Variants in SORCS2 observed in about 807,000 individuals in gnomAD.
SORCS2 encodes the protein VPS10 domain-containing receptor SorCS2.
A neutral mutation model predicts 141.6 loss-of-function variants in SORCS2; 100 were observed. The ratio of observed to expected loss-of-function variants is 0.71; its 90% CI spans 0.60 to 0.83. The LOEUF (loss-of-function observed/expected upper bound fraction) is 0.83. Ranked by LOEUF, SORCS2 falls within the 40% of genes least tolerant of loss-of-function variation. The pLI is 0.00. For missense variants in SORCS2, 1,646 were observed against 1,560.2 expected, an observed-to-expected ratio of 1.05 and a Z score of -0.93; for synonymous variants, 789 against 676.9, an observed-to-expected ratio of 1.17 and a Z score of -2.57.
intron 2 of SORCS2, among the ~76,000 whole-genome samples, chr4:7,424,375 C>T (rs1311624896): frequency 6.6e-6 from 1 of 152,234 alleles, no homozygotes; most frequent in African/African-American, 2.4e-5. Flanking sequence ...CTCTCTGGGC[C>T]TGAGCTGTGT....
intron 15 of SORCS2, among the ~76,000 whole-genome samples, chr4:7,713,236 A>G (rs1577106722): frequency 2.0e-5 from 3 of 152,154 alleles, no homozygotes; most frequent in Admixed American, 6.5e-5. Context: ...GCAAGCCCAC[A>G]CTGTAATTGA....
At chr4:7,270,195 C>G (rs1715021309) in intron 1 of SORCS2, among the ~76,000 whole-genome samples, 1 of 152,272 alleles carries the variant, frequency 6.6e-6, no homozygotes, top group Admixed American at 6.5e-5. Flanking sequence ...GATTTTAAAT[C>G]TCATCCAGAG....
At chr4:7,460,511 G>A (rs188010594) in intron 2 of SORCS2, among the ~76,000 whole-genome samples, 2 of 152,206 alleles carry the variant, frequency 1.3e-5, no homozygotes, top group Non-Finnish European at 2.9e-5. Flanking sequence ...CCCACCTTGC[G>A]CCATTGTGTC....
Position 7,407,995 on chromosome 4 carries a change from G to T in SORCS2, c.548+11640G>T. On this transcript the variant is annotated intron_variant, in intron 2 of 26. Coordinates refer to ENST00000507866, the MANE Select transcript of SORCS2 (RefSeq NM_020777.3). ...CTCCCCCATATTTTTACTTTTAGTT[G>T]TTTCAGTTTACGTATTTCTATATTA... 3.9e-5 allele frequency among the ~76,000 whole-genome samples: 6 copies of T among 152,086 alleles called. 1 individual carries two copies. The Middle Eastern group carries it at 0.017, about 434-fold the overall frequency.
chr4:7,714,056 G>A (rs753930172), intron 15 of SORCS2, among the ~76,000 whole-genome samples, 184 bp from the exon 16 acceptor site: 5 of 152,206 alleles, frequency 3.3e-5, no homozygotes, highest in Non-Finnish European at 7.4e-5. Flanking sequence ...CCATGGGTTG[G>A]GATGAGAGGG....
chr4:7,286,571 A>G lies in SORCS2; in HGVS notation c.480+93445A>G, dbSNP rs1239415390. On this transcript the variant is annotated intron_variant, in intron 1 of 26. Transcript: ENST00000507866. This position sits in a 1 kb window ranked among gnomAD's most constrained non-coding sequence, Gnocchi z 4.1. ...GGTCGGTCCCAGGACCAGAAGGGAC[A>G]TGGTCCCATTCGGTCCCAGGCCAGC... Among the ~76,000 whole-genome samples, 1 of 152,162 alleles carries G rather than the reference A, an allele frequency of 6.6e-6. No individual in the cohort carries two copies. Among genetic ancestry groups the G allele is most frequent in the Non-Finnish European group, 1.5e-5 (1 of 68,020 alleles).
At chr4:7,614,054 C>T (rs1013472113) in intron 3 of SORCS2, among the ~76,000 whole-genome samples, 1 of 151,642 alleles carries the variant, frequency 6.6e-6, no homozygotes, top group Non-Finnish European at 1.5e-5. Context: ...TTTATCCATC[C>T]ACCTATCCAC....
At chr4:7,713,101 T>C (rs1725937384) in intron 15 of SORCS2, among the ~76,000 whole-genome samples, 1 of 152,006 alleles carries the variant, frequency 6.6e-6, no homozygotes, top group Admixed American at 6.5e-5. Flanking sequence ...CTACAGGGGC[T>C]ACAGTCTCTA....
rs1337656843 is a variant in SORCS2 at position 7,193,470 on chromosome 4, C to A, written c.480+344C>A. ...AAGCCTGCAGGTCCTTGAGGGTACC[C>A]CAGCTCGGCGTTACCTCCCCTGCCC... On this transcript the variant is annotated intron_variant, in intron 1 of 26. Coordinates refer to ENST00000507866, the MANE Select transcript of SORCS2 (RefSeq NM_020777.3). The surrounding 1 kb of genome is among the most constrained non-coding windows in gnomAD (Gnocchi z 4.8). 6.6e-6 allele frequency among the ~76,000 whole-genome samples: 1 copy of A among 152,170 alleles called. No homozygotes were observed. The highest frequency in any genetic ancestry group is 1.5e-5 in the Non-Finnish European group (1 of 68,026).
At chr4:7,248,298 C>G (rs554942849) in intron 1 of SORCS2, among the ~76,000 whole-genome samples, 2 of 151,406 alleles carry the variant, frequency 1.3e-5, no homozygotes, top group African/African-American at 4.8e-5. Flanking sequence ...GCTAAGGTTC[C>G]AGGCCGGCAA....
chr4:7,736,979 C>T (rs1577140468), intron 25 of SORCS2, 90 bp from the exon 26 acceptor site: 12 of 1,479,542 alleles, frequency 8.1e-6, no homozygotes, highest in African/African-American at 2.8e-5. Context: ...GCACCACACT[C>T]GGTGTGGTCA....
At chr4:7,383,952 A>G (rs982782172) in intron 1 of SORCS2, among the ~76,000 whole-genome samples, 1 of 152,160 alleles carries the variant, frequency 6.6e-6, no homozygotes, top group Non-Finnish European at 1.5e-5. Context: ...TAAAAATGCA[A>G]TTTTCCACAG....
rs558085225 is a variant in SORCS2 at position 7,576,847 on chromosome 4, C to T, written c.648+45218C>T. Among the ~76,000 whole-genome samples, 41 of 152,304 alleles carry T rather than the reference C, an allele frequency of 2.7e-4. 1 individual carries two copies. Among genetic ancestry groups the T allele is most frequent in the African/African-American group, 9.9e-4 (41 of 41,570 alleles). On this transcript the variant is annotated intron_variant, in intron 3 of 26. Coordinates refer to ENST00000507866, the MANE Select transcript of SORCS2 (RefSeq NM_020777.3). ...GCCAGCCTGGCTCATGGCACATGAACTCATGCGTGCCCCACCCAGCGGACC... is the reference window on the plus strand; with the variant it reads ...GCCAGCCTGGCTCATGGCACATGAATTCATGCGTGCCCCACCCAGCGGACC...
intron 5 of SORCS2, among the ~76,000 whole-genome samples, chr4:7,661,155 T>G (rs1354203636): frequency 6.6e-6 from 1 of 152,164 alleles, no homozygotes; most frequent in Non-Finnish European, 1.5e-5. Flanking sequence ...AAAAGCAACG[T>G]GAAAGTCTTT....
intron 1 of SORCS2, among the ~76,000 whole-genome samples, chr4:7,253,492 G>C (rs1168585741): frequency 3.9e-5 from 6 of 152,238 alleles, no homozygotes; most frequent in African/African-American, 1.4e-4. Flanking sequence ...GTTCCCTGCA[G>C]GGGTGCACGA....
intron 10 of SORCS2, among the ~76,000 whole-genome samples, chr4:7,683,794 G>T (rs956857872): frequency 2.0e-5 from 3 of 152,196 alleles, no homozygotes; most frequent in Admixed American, 1.3e-4. Flanking sequence ...CTTTCTACAT[G>T]AATAGAAGTA....
rs570857124 is a variant in SORCS2 at position 7,357,027 on chromosome 4, C to T, written c.481-39261C>T. Among the ~76,000 whole-genome samples, 41 of 152,264 alleles carry T rather than the reference C, an allele frequency of 2.7e-4. No individual in the cohort carries two copies. The South Asian group carries it at 5.8e-3, about 22-fold the overall frequency. On this transcript the variant is annotated intron_variant, in intron 1 of 26. Coordinates refer to ENST00000507866, the MANE Select transcript of SORCS2 (RefSeq NM_020777.3). Reference sequence around the variant, plus strand: ...AGGAGCCTCACTGTAGAGCTGGGGACGGTGGGCTGCAGGGAGGGGCTGGAG... The same window carrying T: ...AGGAGCCTCACTGTAGAGCTGGGGATGGTGGGCTGCAGGGAGGGGCTGGAG...
rs1469156251 is a variant in SORCS2, at chr4:7,543,581, A to G, written c.648+11952A>G. On this transcript the variant is annotated intron_variant, in intron 3 of 26. Coordinates refer to ENST00000507866, the MANE Select transcript of SORCS2 (RefSeq NM_020777.3). ...CACCCACCCATCCATTCACCCACTC[A>G]TCCATCCATCCATTCCATCCATCCA... Among the ~76,000 whole-genome samples, 5 of 115,622 alleles carry G rather than the reference A, an allele frequency of 4.3e-5. No homozygotes were observed. The Admixed American group carries it at 4.6e-4, about 11-fold the overall frequency. 75.9% of individuals were successfully genotyped at this position (115,622 alleles called of 152,430 possible).
chr4:7,650,161 G>T (rs1379248521), intron 4 of SORCS2, among the ~76,000 whole-genome samples: 5 of 152,174 alleles, frequency 3.3e-5, no homozygotes, highest in Non-Finnish European at 7.4e-5. Flanking sequence ...GATAATTCAA[G>T]TGCAGGTCTG....
Sources: gnomAD v4.1 joint callset for allele counts (sites outside exome capture counted in the v4.1 genomes callset) on GRCh38, gnomAD v4.1.1 for gene constraint, Gnocchi (gnomAD v3.1) non-coding constraint, MANE v1.5 for transcripts, NCBI Gene and HGNC (gene_info 2026-07-23, HGNC 2026-07-21) for gene names.